The following ADARB2 variants were observed in gnomAD, a reference collection of about 807,000 sequenced individuals.
ADARB2 encodes inactive double-stranded RNA-specific editase B2.
In ADARB2, 25 loss-of-function variants were observed where a neutral mutation model predicts 62.2. The ratio of observed to expected loss-of-function variants is 0.40; its 90% CI spans 0.29 to 0.56. The LOEUF (loss-of-function observed/expected upper bound fraction) is 0.56. Ranked by LOEUF, ADARB2 falls within the 20% of genes least tolerant of loss-of-function variation. ADARB2 has a pLI of 0.43. For synonymous variants in ADARB2, 572 were observed against 500.8 expected (o/e 1.14, Z -1.90); for missense variants, 1,071 against 1,077.4 (o/e 0.99, Z 0.08).
chr10:1,514,449 G>A (rs1345673520), intron 1 of ADARB2, among the ~76,000 whole-genome samples: 1 of 151,926 alleles, frequency 6.6e-6, no homozygotes, highest in Admixed American at 6.6e-5. Flanking sequence ...GTGGTACTGA[G>A]TATGTTTTTT....
Position 1,267,148 on chromosome 10 carries a change from A to AC in ADARB2, c.1192+3806_1192+3807insG, listed in dbSNP as rs527523437. 2.7e-3 allele frequency among the ~76,000 whole-genome samples: 417 copies of AC among 151,868 alleles called. 2 individuals carry two copies. The highest frequency in any genetic ancestry group is 9.6e-3 in the African/African-American group (396 of 41,460). ...CTTAAATCCAAGTTAAAAAAAAAAA[A>AC]AAAACCTTTCCCCCTCCCGGGTAGG... On this transcript the variant is annotated intron_variant, in intron 4 of 9. Transcript: ENST00000381312.
chr10:1,380,374 C>T (rs745843023), intron 1 of ADARB2, among the ~76,000 whole-genome samples: 9 of 152,224 alleles, frequency 5.9e-5, no homozygotes, highest in East Asian at 1.9e-4. Context: ...TGTGGATATC[C>T]GCGGACGGGA....
At chr10:1,269,249 C>T (rs997185026) in intron 4 of ADARB2, among the ~76,000 whole-genome samples, 1 of 152,104 alleles carries the variant, frequency 6.6e-6, no homozygotes, top group African/African-American at 2.4e-5. Flanking sequence ...TTATATGGAC[C>T]AGCAACCCTG....
chr10:1,475,218 A>T (rs1831383016), intron 1 of ADARB2, among the ~76,000 whole-genome samples: 2 of 152,352 alleles, frequency 1.3e-5, no homozygotes, highest in South Asian at 4.1e-4. Context: ...AGCCAGAGGC[A>T]GGTCTCCCGC....
intron 1 of ADARB2, among the ~76,000 whole-genome samples, chr10:1,685,211 AGT>A (rs1002656610): frequency 6.6e-6 from 1 of 152,022 alleles, no homozygotes; most frequent in African/African-American, 2.4e-5. Context: ...TGAGTGCGTG[AGT>A]GTGTGTGTGA....
At chr10:1,417,746 C>A (rs1222850169) in intron 1 of ADARB2, among the ~76,000 whole-genome samples, 2 of 152,178 alleles carry the variant, frequency 1.3e-5, no homozygotes, top group Non-Finnish European at 2.9e-5. Flanking sequence ...CTGGACTCAG[C>A]GCCCTGCCTG....
chr10:1,196,612 G>A (rs1324757596), intron 8 of ADARB2, among the ~76,000 whole-genome samples: 1 of 151,950 alleles, frequency 6.6e-6, no homozygotes, highest in Admixed American at 6.5e-5. Context: ...TGAAAACAAA[G>A]TTTTTCAATA....
At chr10:1,657,578 G>A (rs1189139661) in intron 1 of ADARB2, among the ~76,000 whole-genome samples, 1 of 152,008 alleles carries the variant, frequency 6.6e-6, no homozygotes, top group Non-Finnish European at 1.5e-5. Flanking sequence ...CCCATTTCTG[G>A]AGTCTCTCGA....
rs1163079764 is a variant in ADARB2, at chr10:1,271,211, T to A, written c.1078-142A>T. The A allele has an allele frequency of 4.6e-6, 3 of 655,518 alleles. No individual in the cohort carries two copies. The East Asian group carries it at 8.2e-5, about 18-fold the overall frequency. The allele number at this position is 655,518 out of a possible 1,614,324, so 40.6% of individuals were successfully genotyped here. On this transcript the variant is annotated intron_variant, in intron 3 of 9. Coordinates refer to ENST00000381312, the MANE Select transcript of ADARB2 (RefSeq NM_018702.4). ...CTCTCCTCCCCTCCTCACAGCCTTG[T>A]CACCACGTGACCACACACGGCCTCT...
intron 1 of ADARB2, among the ~76,000 whole-genome samples, chr10:1,695,392 C>T (rs553765436): frequency 7.9e-5 from 12 of 152,336 alleles, no homozygotes; most frequent in African/African-American, 2.9e-4. Flanking sequence ...GCAGAGCTCA[C>T]ATCAGATGCT....
intron 6 of ADARB2, among the ~76,000 whole-genome samples, chr10:1,227,456 A>T (rs1830758598): frequency 6.6e-6 from 1 of 152,194 alleles, no homozygotes. Context: ...TGAACCCGGT[A>T]CCTCAGTTGG....
chr10:1,314,983 C>G (rs758820559), intron 3 of ADARB2, among the ~76,000 whole-genome samples: 3 of 152,214 alleles, frequency 2.0e-5, no homozygotes, highest in Non-Finnish European at 2.9e-5. Flanking sequence ...GCACTCTCCA[C>G]CCCTTCCTGA....
At chr10:1,643,446 A>G (rs1834001682) in intron 1 of ADARB2, among the ~76,000 whole-genome samples, 1 of 152,110 alleles carries the variant, frequency 6.6e-6, no homozygotes, top group Admixed American at 6.5e-5. Context: ...GCTAGAGGCC[A>G]CTCTTAGGTC....
intron 1 of ADARB2, among the ~76,000 whole-genome samples, chr10:1,437,261 C>CATATATACACAT (rs1447944374): frequency 2.6e-5 from 4 of 151,788 alleles, no homozygotes; most frequent in Non-Finnish European, 5.9e-5. Flanking sequence ...TACACACACA[C>CATATATACACAT]ACACATGCAC....
chr10:1,632,283 GCA>G (rs1262155292), intron 1 of ADARB2, among the ~76,000 whole-genome samples: 5 of 151,968 alleles, frequency 3.3e-5, no homozygotes, highest in Admixed American at 6.6e-5. Flanking sequence ...ACACACATAT[GCA>G]CACACTACAC....
intron 1 of ADARB2, among the ~76,000 whole-genome samples, chr10:1,668,110 G>T (rs749184528): frequency 6.6e-6 from 1 of 152,282 alleles, no homozygotes; most frequent in Middle Eastern, 3.4e-3. Flanking sequence ...GATATTAACC[G>T]AGGGCCTCTG....
rs1554776963 is a variant in ADARB2, at chr10:1,633,576, C to CTATCTATCTATCTA, written c.100+103461_100+103474dup. ...TCTATCTATCTATCTATCTATCTATCTATCTATCTATCTATCTATCTATCT... is the reference window on the plus strand; with the variant it reads ...TCTATCTATCTATCTATCTATCTATCTATCTATCTATCTATATCTATCTATCTATCTATCTATCT... On this transcript the variant is annotated intron_variant, in intron 1 of 9. Transcript: ENST00000381312. 4.8e-5 allele frequency among the ~76,000 whole-genome samples: 7 copies of CTATCTATCTATCTA among 145,418 alleles called. No homozygotes were observed. In the East Asian group the frequency reaches 5.9e-4, roughly 12 times the overall value.
intron 1 of ADARB2, among the ~76,000 whole-genome samples, chr10:1,635,978 G>A (rs1159732807): frequency 6.6e-6 from 1 of 151,416 alleles, no homozygotes; most frequent in Non-Finnish European, 1.5e-5. Context: ...AACCACGGCT[G>A]GATAGGTAAA....
In ADARB2 at chr10:1,180,153, A is replaced by AGGT. The variant is rs1383130651; in HGVS notation, c.*3037_*3039dup. The AGGT allele has an allele frequency of 2.6e-5, 4 of 152,142 alleles. No homozygotes were observed. Among genetic ancestry groups the AGGT allele is most frequent in the Non-Finnish European group, 5.9e-5 (4 of 68,074 alleles). 9.4% of individuals were successfully genotyped at this position (152,142 alleles called of 1,614,324 possible). On this transcript the variant is annotated 3_prime_UTR_variant, in exon 10 of 10. Transcript: ENST00000381312. ...AACACGAGCCCTTCCATCTCTGCAG[A>AGGT]GGTGGCACAGCCCCTCCAGGCACAT...
Sources: allele counts gnomAD v4.1 joint callset (sites outside exome capture counted in the v4.1 genomes callset), GRCh38; gene constraint gnomAD v4.1.1; transcripts MANE v1.5; gene names NCBI Gene and HGNC (gene_info 2026-07-23, HGNC 2026-07-21).